Variants in NFIA observed in about 807,000 individuals in gnomAD.
NFIA encodes the protein nuclear factor 1 A-type.
A neutral mutation model predicts 62.8 loss-of-function variants in NFIA; 8 were observed. The ratio of observed to expected loss-of-function variants is 0.13; its 90% CI spans 0.07 to 0.23. NFIA has a LOEUF of 0.23. NFIA is among the 10% of genes least tolerant of loss of function. The probability of loss-of-function intolerance (pLI) is 1.00; values close to 1 mark genes in which losing one functional copy is unlikely to be tolerated. For missense variants in NFIA, 410 were observed against 642.1 expected (o/e 0.64, Z 3.91); for synonymous variants, 235 against 238.1 (o/e 0.99, Z 0.12).
intron 2 of NFIA, among the ~76,000 whole-genome samples, chr1:61,266,975 GGTTC>G (rs1657213318): frequency 1.3e-5 from 2 of 152,142 alleles, no homozygotes; most frequent in African/African-American, 4.8e-5. Flanking sequence ...AGTCAGTTGA[GGTTC>G]AGGGAGGTAA....
rs376281153 is a variant in NFIA, at chr1:61,367,512, T to G, written c.946+8238T>G. On this transcript the variant is annotated intron_variant, in intron 6 of 10. Coordinates refer to ENST00000403491, the MANE Select transcript of NFIA (RefSeq NM_001134673.4). ...GACCACATCCTCTTCTATGATCTCA[T>G]ATTGGCACCTGCCCATTAGAGACTG... Among the ~76,000 whole-genome samples the G allele has an allele frequency of 5.3e-5, 8 of 152,320 alleles. No homozygotes were observed. In the East Asian group the frequency reaches 1.2e-3, roughly 22 times the overall value.
rs369305204 is a variant in NFIA at position 61,096,547 on chromosome 1, C to CTTTTTTTTTTTTTTT, written c.559+7876_559+7890dup. Among the ~76,000 whole-genome samples, 6 of 80,594 alleles carry CTTTTTTTTTTTTTTT rather than the reference C, an allele frequency of 7.4e-5. 2 individuals carry two copies. The highest frequency in any genetic ancestry group is 1.0e-3 in the East Asian group (2 of 1,982). The allele number at this position is 80,594 out of a possible 152,430, so 52.9% of individuals were successfully genotyped here. ...TCTTTAAACTTAGTCAAGATTAGTT[C>CTTTTTTTTTTTTTTT]TTTTTTTTTTTTTTTTTTTTTTTGA... On this transcript the variant is annotated intron_variant, in intron 2 of 10. Transcript: ENST00000403491.
intron 2 of NFIA, among the ~76,000 whole-genome samples, chr1:61,267,325 A>G (rs184115922): frequency 1.3e-5 from 2 of 152,190 alleles, no homozygotes; most frequent in African/African-American, 2.4e-5. Context: ...CCTGGCCAAC[A>G]TGGTGAAACC....
intron 4 of NFIA, among the ~76,000 whole-genome samples, chr1:61,341,787 C>G (rs945943299): frequency 2.6e-5 from 4 of 152,302 alleles, no homozygotes; most frequent in Non-Finnish European, 5.9e-5. Flanking sequence ...TAATAATGTG[C>G]TTTTTAATAA....
At chr1:61,134,475 A>G (rs911559674) in intron 2 of NFIA, among the ~76,000 whole-genome samples, 1 of 152,188 alleles carries the variant, frequency 6.6e-6, no homozygotes, top group African/African-American at 2.4e-5. Flanking sequence ...TCTCATGTCC[A>G]TGTTACTCTG....
intron 2 of NFIA, among the ~76,000 whole-genome samples, chr1:61,146,084 G>C (rs1461371133): frequency 6.6e-6 from 1 of 152,144 alleles, no homozygotes; most frequent in Non-Finnish European, 1.5e-5. Flanking sequence ...AGGCTCCAGG[G>C]GAGAACCTGT....
intron 7 of NFIA, among the ~76,000 whole-genome samples, chr1:61,395,932 C>A (rs1174797130): frequency 6.6e-6 from 1 of 152,088 alleles, no homozygotes; most frequent in African/African-American, 2.4e-5. Flanking sequence ...GTTTTAAAAG[C>A]CTTCCTTATT....
chr1:61,423,269 G>C, intron 9 of NFIA, among the ~76,000 whole-genome samples: 1 of 148,538 alleles, frequency 6.7e-6, no homozygotes, highest in East Asian at 1.9e-4. Context: ...AACACTTTCT[G>C]TTTCAGAAGC....
At chr1:61,099,562 A>G (rs1646474277) in intron 2 of NFIA, among the ~76,000 whole-genome samples, 1 of 152,082 alleles carries the variant, frequency 6.6e-6, no homozygotes, top group African/African-American at 2.4e-5. Flanking sequence ...GCATTTTTTA[A>G]AAAAATTTTT....
intron 2 of NFIA, among the ~76,000 whole-genome samples, chr1:61,150,488 C>T (rs905627211): frequency 1.3e-5 from 2 of 152,148 alleles, no homozygotes; most frequent in African/African-American, 4.8e-5. Context: ...CAAAAGTCTC[C>T]CAGCTCAGAA....
At position 61,432,712 on chromosome 1, in the gene NFIA, AT is replaced by A. The variant is rs373482040; in HGVS notation, c.1512+6157del. On this transcript the variant is annotated intron_variant, in intron 10 of 10. Transcript: ENST00000403491. ...ATATCCCACCCTGCAACCCTACCTCATCTTCTAATTAGAAGTGGATTTGAGC... is the reference window on the plus strand; with the variant it reads ...ATATCCCACCCTGCAACCCTACCTCACTTCTAATTAGAAGTGGATTTGAGC... Among the ~76,000 whole-genome samples, 154 of 151,868 alleles carry A rather than the reference AT, an allele frequency of 1.0e-3. 4 individuals carry two copies. In the South Asian group the frequency reaches 0.031, roughly 31 times the overall value.
At chr1:61,327,276 C>T (rs1660997118) in intron 3 of NFIA, among the ~76,000 whole-genome samples, 1 of 151,382 alleles carries the variant, frequency 6.6e-6, no homozygotes, top group Non-Finnish European at 1.5e-5. Flanking sequence ...TTTCAGTGAC[C>T]TTTGGGGTAA....
At chr1:61,264,081 A>C (rs1207814841) in intron 2 of NFIA, among the ~76,000 whole-genome samples, 1 of 152,210 alleles carries the variant, frequency 6.6e-6, no homozygotes, top group Non-Finnish European at 1.5e-5. Context: ...AGACTGAATA[A>C]TGCTTTGCAC....
At chr1:61,331,628 G>A (rs1661303695) in intron 3 of NFIA, among the ~76,000 whole-genome samples, 2 of 152,120 alleles carry the variant, frequency 1.3e-5, no homozygotes, top group South Asian at 4.1e-4. Context: ...AGCTGACCTT[G>A]GAGTGATCTC....
At chr1:61,147,653 T>G (rs1035095546) in intron 2 of NFIA, among the ~76,000 whole-genome samples, 20 of 151,352 alleles carry the variant, frequency 1.3e-4, no homozygotes, top group African/African-American at 3.9e-4. Context: ...ATTCAGGCAG[T>G]TTTTTTTTCC....
chr1:61,326,102 G>A (rs187250136), intron 3 of NFIA, among the ~76,000 whole-genome samples: 2 of 152,308 alleles, frequency 1.3e-5, no homozygotes, highest in Non-Finnish European at 2.9e-5. Flanking sequence ...TTTTTGCAGT[G>A]ACTTTCTCAG....
At chr1:61,239,301 T>C (rs918623216) in intron 2 of NFIA, among the ~76,000 whole-genome samples, 2 of 152,186 alleles carry the variant, frequency 1.3e-5, no homozygotes, top group Non-Finnish European at 2.9e-5. Flanking sequence ...TCTTTGAAAC[T>C]AAATGATTAC....
At position 61,380,452 on chromosome 1, in the gene NFIA, A is replaced by G. The variant is rs561800821; in HGVS notation, c.947-2785A>G. Among the ~76,000 whole-genome samples the G allele has an allele frequency of 8.8e-4, 134 of 152,284 alleles. 1 individual carries two copies. The highest frequency in any genetic ancestry group is 3.1e-3 in the African/African-American group (129 of 41,568). On this transcript the variant is annotated intron_variant, in intron 6 of 10. Transcript: ENST00000403491. ...ACAGTTGTGCATAAATAATTGGCAA[A>G]AGAGATTTTAAAAAGGAGTTTATTT...
intron 10 of NFIA, among the ~76,000 whole-genome samples, chr1:61,452,704 C>T (rs892680504): frequency 5.9e-5 from 9 of 152,112 alleles, no homozygotes; most frequent in African/African-American, 1.2e-4. Flanking sequence ...TAGACAAAAG[C>T]CCAAGAGTTG....
Sources: gnomAD v4.1 joint callset for allele counts (sites outside exome capture counted in the v4.1 genomes callset) on GRCh38, gnomAD v4.1.1 for gene constraint, MANE v1.5 for transcripts, NCBI Gene and HGNC (gene_info 2026-07-23, HGNC 2026-07-21) for gene names.